The following KLHL29 variants were observed in gnomAD, a reference collection of about 807,000 sequenced individuals.
The protein encoded by KLHL29 is kelch-like protein 29.
Under a neutral mutation model 80.4 loss-of-function variants are expected in KLHL29, and 21 were observed. The observed-to-expected ratio is 0.26, with a 90% CI of 0.19 to 0.38. KLHL29 has a LOEUF of 0.38. Ranked by LOEUF, KLHL29 falls within the 10% of genes least tolerant of loss-of-function variation. The pLI is 1.00. For missense variants in KLHL29, 867 were observed against 1,223.9 expected, an observed-to-expected ratio of 0.71 and a Z score of 4.35; for synonymous variants, 511 against 526.8, an observed-to-expected ratio of 0.97 and a Z score of 0.41.
intron 1 of KLHL29, among the ~76,000 whole-genome samples, chr2:23,473,478 A>C (rs996383823): frequency 6.6e-6 from 1 of 152,018 alleles, no homozygotes. Context: ...TCAGCTGTGC[A>C]TGTGGTTTAT....
At chr2:23,500,693 A>G (rs1422105112) in intron 2 of KLHL29, among the ~76,000 whole-genome samples, 1 of 152,232 alleles carries the variant, frequency 6.6e-6, no homozygotes, top group Non-Finnish European at 1.5e-5. Context: ...AGGTTTATAA[A>G]AAAACTGGAC....
At position 23,703,297 on chromosome 2, in the gene KLHL29, C is replaced by T. The variant is rs890407190; in HGVS notation, c.2217C>T (p.Asn739=). Reference sequence around the variant, plus strand: ...AGATCTACGTGTTTGGTGGGGTGAACGAGGCAGGCCGAGCTGCCGGCGTCC... The same window carrying T: ...AGATCTACGTGTTTGGTGGGGTGAATGAGGCAGGCCGAGCTGCCGGCGTCC... The part of the protein sequence containing the change: ...GGKIYVFGGV[N]EAGRAAGVLQ... Residue 739 remains asparagine, a synonymous_variant, in exon 12 of 14, where the codon AAC becomes AAT. Coordinates refer to ENST00000486442, the MANE Select transcript of KLHL29 (RefSeq NM_052920.2). The T allele has an allele frequency of 1.4e-5, 22 of 1,548,346 alleles. No homozygotes were observed. The highest frequency in any genetic ancestry group is 3.3e-4 in the Middle Eastern group (2 of 6,006).
chr2:23,630,288 G>C (rs570082789), intron 3 of KLHL29, among the ~76,000 whole-genome samples: 1 of 152,172 alleles, frequency 6.6e-6, no homozygotes, highest in African/African-American at 2.4e-5. Context: ...GAGGGCTTTA[G>C]TATTATCCTG....
intron 5 of KLHL29, among the ~76,000 whole-genome samples, chr2:23,673,172 G>A (rs949395039): frequency 1.3e-5 from 2 of 151,708 alleles, no homozygotes; most frequent in Admixed American, 6.6e-5. Flanking sequence ...CAAGGGCACA[G>A]ACACGCACCC....
Position 23,470,993 on chromosome 2 carries a change from C to T in KLHL29, c.-153-4567C>T, listed in dbSNP as rs182146677. 1.1e-3 allele frequency among the ~76,000 whole-genome samples: 174 copies of T among 152,316 alleles called. 1 individual carries two copies. The highest frequency in any genetic ancestry group is 3.7e-3 in the African/African-American group (155 of 41,556). On this transcript the variant is annotated intron_variant, in intron 1 of 13. Coordinates refer to ENST00000486442, the MANE Select transcript of KLHL29 (RefSeq NM_052920.2). ...TCGTCTTAAAAAGAATATGAATGAG[C>T]GTTCCCCTTGCAGGACACACTGGGA...
intron 5 of KLHL29, among the ~76,000 whole-genome samples, chr2:23,675,879 C>A (rs1237989871): frequency 6.6e-6 from 1 of 152,174 alleles, no homozygotes; most frequent in Non-Finnish European, 1.5e-5. Flanking sequence ...TCCAGTGGAT[C>A]ACATTTGGGG....
At chr2:23,389,361 G>A (rs945098077) in intron 1 of KLHL29, among the ~76,000 whole-genome samples, 5 of 152,110 alleles carry the variant, frequency 3.3e-5, no homozygotes, top group East Asian at 1.9e-4. Context: ...GCATTAGCAC[G>A]CTACTGACTT....
At position 23,541,724 on chromosome 2, in the gene KLHL29, G is replaced by A. The variant is rs545963235; in HGVS notation, c.-45-20428G>A. ...GTTCTTTCTCAAGTCCCTCGCAATCGAAAACAGGATTTTTTAAAGAGCTTT... is the reference window on the plus strand; with the variant it reads ...GTTCTTTCTCAAGTCCCTCGCAATCAAAAACAGGATTTTTTAAAGAGCTTT... On this transcript the variant is annotated intron_variant, in intron 2 of 13. Transcript: ENST00000486442. 5.6e-5 allele frequency among the ~76,000 whole-genome samples: 8 copies of A among 143,928 alleles called. No homozygotes were observed. The South Asian group carries it at 6.6e-4, about 12-fold the overall frequency. 94.4% of individuals were successfully genotyped at this position (143,928 alleles called of 152,430 possible). A position where few individuals can be genotyped will look rare whatever the true frequency, so the allele number is the denominator to read the frequency against.
chr2:23,392,800 C>T (rs986691541), intron 1 of KLHL29, among the ~76,000 whole-genome samples: 1 of 152,170 alleles, frequency 6.6e-6, no homozygotes, highest in South Asian at 2.1e-4. Flanking sequence ...TGCATCTGCA[C>T]CACTTCATAC....
At chr2:23,607,698 A>G (rs944738256) in intron 3 of KLHL29, among the ~76,000 whole-genome samples, 1 of 152,178 alleles carries the variant, frequency 6.6e-6, no homozygotes, top group South Asian at 2.1e-4. Flanking sequence ...ATAGATTCTC[A>G]TAGGACCGTG....
chr2:23,507,949 T>C (rs994997745), intron 2 of KLHL29, among the ~76,000 whole-genome samples: 1 of 152,248 alleles, frequency 6.6e-6, no homozygotes. Context: ...TGGGAATGTT[T>C]AGCAGATTTT....
chr2:23,409,807 A>G (rs1247905747), intron 1 of KLHL29, among the ~76,000 whole-genome samples: 1 of 152,236 alleles, frequency 6.6e-6, no homozygotes, highest in African/African-American at 2.4e-5. Flanking sequence ...AAGGCAATAA[A>G]CACTATGAAG....
At chr2:23,660,314 C>T (rs1271897823) in intron 5 of KLHL29, among the ~76,000 whole-genome samples, 1 of 152,212 alleles carries the variant, frequency 6.6e-6, no homozygotes, top group Non-Finnish European at 1.5e-5. Context: ...TGTTGCTTCC[C>T]CCTCAGCCTG....
intron 3 of KLHL29, among the ~76,000 whole-genome samples, chr2:23,620,198 A>G (rs1266696773): frequency 1.3e-5 from 2 of 152,188 alleles, no homozygotes; most frequent in East Asian, 3.9e-4. Flanking sequence ...CTGGCAGAGC[A>G]TGAAGTGCCA....
At chr2:23,703,996 C>G in intron 13 of KLHL29, 133 bp downstream of exon 13, 2 of 1,062,330 alleles carry the variant, frequency 1.9e-6, no homozygotes, top group Non-Finnish European at 1.3e-6. Context: ...CCCCCTCCAA[C>G]CACAGGAGTG....
Position 23,492,418 on chromosome 2 carries a change from C to T in KLHL29, c.-46+16751C>T, listed in dbSNP as rs537460773. On this transcript the variant is annotated intron_variant, in intron 2 of 13. Coordinates refer to ENST00000486442, the MANE Select transcript of KLHL29 (RefSeq NM_052920.2). ...CCGCTTCTGAAAACCCCTGCACCCA[C>T]CCCCAGCCCTTGCTGTTTGATAGCA... Among the ~76,000 whole-genome samples, 87 of 152,350 alleles carry T rather than the reference C, an allele frequency of 5.7e-4. 1 individual carries two copies. The highest frequency in any genetic ancestry group is 2.0e-3 in the African/African-American group (85 of 41,588).
At chr2:23,559,713 C>A (rs192063604) in intron 2 of KLHL29, among the ~76,000 whole-genome samples, 1 of 151,610 alleles carries the variant, frequency 6.6e-6, no homozygotes, top group Non-Finnish European at 1.5e-5. Flanking sequence ...GGAAGGTGTG[C>A]GGCAGGCTGC....
chr2:23,448,962 C>T (rs1663790738), intron 1 of KLHL29, among the ~76,000 whole-genome samples: 1 of 152,146 alleles, frequency 6.6e-6, no homozygotes, highest in African/African-American at 2.4e-5. Flanking sequence ...TGGCATACAG[C>T]AAGGCACATG....
chr2:23,526,746 C>T (rs982798365), intron 2 of KLHL29, among the ~76,000 whole-genome samples: 3 of 152,166 alleles, frequency 2.0e-5, no homozygotes, highest in Non-Finnish European at 2.9e-5. Flanking sequence ...CCCAAGAGCC[C>T]ATTGTTAACG....
Sources: gnomAD v4.1 joint callset for allele counts (sites outside exome capture counted in the v4.1 genomes callset) on GRCh38, gnomAD v4.1.1 for gene constraint, MANE v1.5 for transcripts, NCBI Gene and HGNC (gene_info 2026-07-23, HGNC 2026-07-21) for gene names.